Variants in CHAD observed in about 807,000 individuals in gnomAD.
The protein encoded by CHAD is cartilage leucine-rich protein.
A neutral mutation model predicts 24.0 loss-of-function variants in CHAD; 18 were observed. That is an observed-to-expected ratio of 0.75 (90% CI 0.52 to 1.11). The LOEUF is 1.11. CHAD is among the 50% of genes most tolerant of loss of function. The pLI is 0.00. For synonymous variants in CHAD, 195 were observed against 211.6 expected (o/e 0.92, Z 0.68); for missense variants, 440 against 467.2 (o/e 0.94, Z 0.54).
Position 50,467,913 on chromosome 17 carries a change from C to T in CHAD, c.774+127G>A, listed in dbSNP as rs1465955662. ...GAGGAAGGGAGGTGGCAGAGCTGCT[C>T]ACCTTGGAGATAGCCAGAGGGACAG... On this transcript the variant is annotated intron_variant, in intron 1 of 3. Transcript: ENST00000508540. 6.4e-6 allele frequency: 6 copies of T among 937,142 alleles called. No homozygotes were observed. The Admixed American group carries it at 8.1e-5, about 13-fold the overall frequency. 58.1% of individuals were successfully genotyped at this position (937,142 alleles called of 1,614,324 possible).
At position 50,468,352 on chromosome 17, in the gene CHAD, G is replaced by C; in HGVS notation, c.462C>G (p.Leu154=). The change falls in exon 1 of 4, where the codon CTC becomes CTG. Residue 154 remains leucine, a synonymous_variant. Transcript: ENST00000508540. Reference sequence around the variant, plus strand: ...GCAGCTCACGGATCTTGTTGTTGTTGAGCTGCAAGATGAAGAGGTTGACCA... The same window carrying C: ...GCAGCTCACGGATCTTGTTGTTGTTCAGCTGCAAGATGAAGAGGTTGACCA... ...SPLVNLFILQ[L]NNNKIRELRA... 1 of 1,614,060 alleles carries C rather than the reference G, an allele frequency of 6.2e-7. No homozygotes were observed. Among genetic ancestry groups the C allele is most frequent in the Non-Finnish European group, 8.5e-7 (1 of 1,180,018 alleles).
chr17:50,465,468 G>A, intron 2 of CHAD, 29 bp from the exon 3 acceptor site: 1 of 1,612,398 alleles, frequency 6.2e-7, no homozygotes, highest in Non-Finnish European at 8.5e-7. Context: ...GCTGGGGCTG[G>A]GGAAGAAGGT....
chr17:50,465,547 C>T, intron 2 of CHAD, 108 bp from the exon 3 acceptor site: 2 of 1,471,278 alleles, frequency 1.4e-6, no homozygotes, highest in South Asian at 1.2e-5. Flanking sequence ...TAGTCTGAAG[C>T]TGTCATCTTC....
At chr17:50,467,879 T>G in intron 1 of CHAD, 161 bp downstream of exon 1, 1 of 650,446 alleles carries the variant, frequency 1.5e-6, no homozygotes, top group Non-Finnish European at 2.6e-6. Flanking sequence ...GGTAGGGATG[T>G]GACAAGGCGA....
Position 50,465,748 on chromosome 17 carries a change from AT to A in CHAD, c.896del (p.Asn299IlefsTer97). Reference protein sequence around the residue: ...FDSLETLALTNNPWKCTCQLR... With the variant: ...FDSLETLALTXNPWKCTCQLR... ...GCTGGCAGGTACACTTCCAGGGGTT[AT>A]TGGTAAGGGCGAGGGTCTCCAGGCT... On this transcript the variant is annotated frameshift_variant, in exon 2 of 4. Transcript: ENST00000508540. LOFTEE classifies it high-confidence loss of function. The A allele has an allele frequency of 1.2e-6, 2 of 1,613,680 alleles. No homozygotes were observed. The highest frequency in any genetic ancestry group is 1.7e-6 in the Non-Finnish European group (2 of 1,179,940).
rs1442021481 is a variant in CHAD, at chr17:50,464,798, C to A, written c.*256G>T. On this transcript the variant is annotated 3_prime_UTR_variant, in exon 4 of 4. Transcript: ENST00000508540. The stretch of plus-strand genomic sequence containing the variant: ...GGGGGGGTCTCAGCAACAGCTTCTC[C>A]AAGAGGAGCTGGAGGGTGGGGAAGG... 13 of 340,348 alleles carry A rather than the reference C, an allele frequency of 3.8e-5. No individual in the cohort carries two copies. Among genetic ancestry groups the A allele is most frequent in the East Asian group, 7.6e-5 (1 of 13,074 alleles). The allele number at this position is 340,348 out of a possible 1,614,324, so 21.1% of individuals were successfully genotyped here. A position where few individuals can be genotyped will look rare whatever the true frequency, so the allele number is the denominator to read the frequency against.
At position 50,468,149 on chromosome 17, in the gene CHAD, T is replaced by C. The variant is rs778531525; in HGVS notation, c.665A>G (p.Glu222Gly). The C allele has an allele frequency of 1.9e-6, 3 of 1,614,046 alleles. No individual in the cohort carries two copies. Among genetic ancestry groups the C allele is most frequent in the Admixed American group, 1.7e-5 (1 of 59,986 alleles). Residue 222 changes from glutamate (E) to glycine (G), a missense_variant, in exon 1 of 4, where the codon GAG (glutamate) becomes GGG (glycine). Glu to Gly is a moderately conservative substitution (Grantham distance 98). Transcript: ENST00000508540. ...GGGGTTGTGGGACAGCTTCAGCTCCTCCACCACCCGTAGCTTGCTCAGGGC... is the reference window on the plus strand; with the variant it reads ...GGGGTTGTGGGACAGCTTCAGCTCCCCCACCACCCGTAGCTTGCTCAGGGC... The part of the protein sequence containing the change: ...SAALSKLRVV[E>G]ELKLSHNPLK...
intron 1 of CHAD, among the ~76,000 whole-genome samples, chr17:50,466,299 C>T (rs577631375): frequency 2.9e-4 from 44 of 152,160 alleles, no homozygotes; most frequent in Admixed American, 5.9e-4. Context: ...CCATGTTAGC[C>T]AGGATGGTCT....
rs754125652 is a variant in CHAD, at chr17:50,467,849, T to C, written c.774+191A>G. 4 of 569,866 alleles carry C rather than the reference T, an allele frequency of 7.0e-6. No homozygotes were observed. The South Asian group carries it at 8.6e-5, about 12-fold the overall frequency. The allele number at this position is 569,866 out of a possible 1,614,324, so 35.3% of individuals were successfully genotyped here. A position where few individuals can be genotyped will look rare whatever the true frequency, so the allele number is the denominator to read the frequency against. ...ATCCTAGGAGGGCAGTGGTCGAGAC[T>C]GGCAGCAGACAGGGATTAGGGTAGG... On this transcript the variant is annotated intron_variant, in intron 1 of 3. Coordinates refer to ENST00000508540, the MANE Select transcript of CHAD (RefSeq NM_001267.3).
chr17:50,465,094 T>C (rs2032610124), intron 3 of CHAD, 45 bp from the exon 4 acceptor site: 2 of 614,928 alleles, frequency 3.3e-6, no homozygotes, highest in Non-Finnish European at 5.7e-6. Flanking sequence ...ACAACACAGA[T>C]GATGCTTGAA....
Position 50,468,468 on chromosome 17 carries a change from C to G in CHAD, c.346G>C (p.Ala116Pro), listed in dbSNP as rs757125544. ...LSHNDIRVLRAGAFDDLTELT... is the reference protein window; with the variant it reads ...LSHNDIRVLRPGAFDDLTELT... ...TCGGTCAGGTCGTCGAAGGCACCTG[C>G]GCGCAGCACGCGGATGTCGTTATGG... The change falls in exon 1 of 4, where the codon GCA (alanine) becomes CCA (proline). Residue 116 changes from alanine (A) to proline (P), a missense_variant. Physicochemically the swap from Ala to Pro is conservative, Grantham distance 27. Transcript: ENST00000508540. 1 of 1,614,256 alleles carries G rather than the reference C, an allele frequency of 6.2e-7. No homozygotes were observed. Among genetic ancestry groups the G allele is most frequent in the Admixed American group, 1.7e-5 (1 of 60,032 alleles).
In CHAD at chr17:50,468,432, G is replaced by A. The variant is rs765822121; in HGVS notation, c.382C>T (p.Leu128Phe). Residue 128 changes from leucine to phenylalanine, a missense_variant, in exon 1 of 4, where the codon CTC (leucine) becomes TTC (phenylalanine). By Grantham distance (22) the Leu-to-Phe change is conservative. Coordinates refer to ENST00000508540, the MANE Select transcript of CHAD (RefSeq NM_001267.3). ...GTGACCTTGTTGTGGTCCAGGTAGA[G>A]GTAGGTCAGCTCGGTCAGGTCGTCG... ...AFDDLTELTYLYLDHNKVTEL... is the reference protein window; with the variant it reads ...AFDDLTELTYFYLDHNKVTEL... The A allele has an allele frequency of 1.2e-6, 2 of 1,614,278 alleles. No individual in the cohort carries two copies. The highest frequency in any genetic ancestry group is 2.2e-5 in the South Asian group (2 of 91,088).
In CHAD at chr17:50,468,745, G is replaced by A. The variant is rs762770139; in HGVS notation, c.69C>T (p.Cys23=). The A allele has an allele frequency of 6.9e-6, 11 of 1,604,768 alleles. No homozygotes were observed. Among genetic ancestry groups the A allele is most frequent in the African/African-American group, 5.3e-5 (4 of 74,842 alleles). ...CGCTGTGGCAGTGGCAGTTCTGGGG[G>A]CAGGCGGCCAGCGCCGGCAGCAGAC... ...LAGLLPALAA[C]PQNCHCHSDL... is the part of the protein sequence containing the mutation. Residue 23 remains cysteine (C), a synonymous_variant, in exon 1 of 4, where the codon TGC becomes TGT. Transcript: ENST00000508540.
chr17:50,465,624 A>G (rs779022434), intron 2 of CHAD, 83 bp downstream of exon 2: 73 of 1,541,572 alleles, frequency 4.7e-5, no homozygotes, highest in Non-Finnish European at 6.2e-5. Flanking sequence ...TCTAGGATGC[A>G]TGTCCAACAT....
At chr17:50,465,161 C>T (rs750289273) in intron 3 of CHAD, 112 bp from the exon 4 acceptor site, 14 of 1,024,422 alleles carry the variant, frequency 1.4e-5, no homozygotes, top group Middle Eastern at 2.3e-4. Context: ...GGGACCCAGT[C>T]GTCCCCTCCT....
At chr17:50,465,543 G>A (rs1454803104) in intron 2 of CHAD, 104 bp from the exon 3 acceptor site, 2 of 1,491,676 alleles carry the variant, frequency 1.3e-6, no homozygotes, top group East Asian at 4.6e-5. Flanking sequence ...AGGATAGTCT[G>A]AAGCTGTCAT....
intron 1 of CHAD, among the ~76,000 whole-genome samples, chr17:50,467,558 CT>C (rs1256673994): frequency 1.3e-5 from 2 of 152,218 alleles, no homozygotes; most frequent in African/African-American, 4.8e-5. Context: ...CCCACTCCCC[CT>C]TAGCACACAT....
chr17:50,466,274 A>G (rs1221527590), intron 1 of CHAD, among the ~76,000 whole-genome samples: 1 of 151,340 alleles, frequency 6.6e-6, no homozygotes, highest in East Asian at 1.9e-4. Flanking sequence ...TTTTTTTAGT[A>G]GAGACGCAGT....
Sources: gnomAD v4.1 joint callset for allele counts (sites outside exome capture counted in the v4.1 genomes callset) on GRCh38, gnomAD v4.1.1 for gene constraint, MANE v1.5 for transcripts, NCBI Gene and HGNC (gene_info 2026-07-23, HGNC 2026-07-21) for gene names.